The following TBC1D2B variants were observed in gnomAD, a reference collection of about 807,000 sequenced individuals.
TBC1D2B encodes the protein TBC1 domain family member 2B, also known as TBC1 domain family, member 2B.
In TBC1D2B, 64 loss-of-function variants were observed where a neutral mutation model predicts 100.8. That is an observed-to-expected ratio of 0.64 (90% CI 0.52 to 0.78). The LOEUF (loss-of-function observed/expected upper bound fraction) is 0.78, where lower values mean the gene tolerates loss of function less well. TBC1D2B is among the 30% of genes least tolerant of loss of function. The probability of loss-of-function intolerance (pLI) is 0.00; values close to 1 mark genes in which losing one functional copy is unlikely to be tolerated. For missense variants in TBC1D2B, 1,052 were observed against 1,218.4 expected, an observed-to-expected ratio of 0.86 and a Z score of 2.03; for synonymous variants, 480 against 479.7, an observed-to-expected ratio of 1.00 and a Z score of -0.01.
chr15:78,066,489 G>A (rs1462647023), intron 1 of TBC1D2B, among the ~76,000 whole-genome samples: 3 of 152,184 alleles, frequency 2.0e-5, no homozygotes, highest in Non-Finnish European at 4.4e-5. Context: ...AAGAAAGGCA[G>A]ATTCCTGAGG....
chr15:78,073,959 A>G (rs1452583379), intron 1 of TBC1D2B, among the ~76,000 whole-genome samples: 2 of 146,542 alleles, frequency 1.4e-5, no homozygotes, highest in East Asian at 4.1e-4. Flanking sequence ...ACACAGCAAG[A>G]CTCTGTTTCA....
intron 4 of TBC1D2B, among the ~76,000 whole-genome samples, chr15:78,026,387 C>T (rs1399789267): frequency 6.6e-6 from 1 of 152,182 alleles, no homozygotes; most frequent in Admixed American, 6.5e-5. Context: ...GGCTCTCCCT[C>T]ACCCTTGCCC....
chr15:78,054,199 G>A lies in TBC1D2B; in HGVS notation c.361-12C>T, dbSNP rs1469390600. On this transcript the variant is annotated splice_polypyrimidine_tract_variant and intron_variant, in intron 1 of 12. Transcript: ENST00000300584. ...TGACGATTGGGAGCCTAGAAAGAGG[G>A]AGGGGAAAAACATGTTATGGCCACC... 1.2e-5 allele frequency: 20 copies of A among 1,608,102 alleles called. No individual in the cohort carries two copies. In the African/African-American group the frequency reaches 1.3e-4, roughly 11 times the overall value.
intron 1 of TBC1D2B, among the ~76,000 whole-genome samples, chr15:78,070,453 C>A (rs982642205): frequency 7.9e-5 from 12 of 152,216 alleles, no homozygotes; most frequent in Admixed American, 3.3e-4. Context: ...GTCCCCCCCA[C>A]CTACTGAAAG....
chr15:78,053,505 G>T (rs1280959007), intron 2 of TBC1D2B, among the ~76,000 whole-genome samples: 1 of 152,180 alleles, frequency 6.6e-6, no homozygotes, highest in Non-Finnish European at 1.5e-5. Flanking sequence ...CTTTCTAGAG[G>T]TTATCTCCAT....
intron 10 of TBC1D2B, among the ~76,000 whole-genome samples, chr15:78,004,028 G>A (rs28581571): frequency 0.041 from 6,269 of 152,254 alleles, 356 homozygotes; most frequent in African/African-American, 0.12. Context: ...CCACTTACTA[G>A]CTGGGTGGCT....
chr15:78,020,297 T>G (rs2072484224), intron 6 of TBC1D2B, among the ~76,000 whole-genome samples: 1 of 152,218 alleles, frequency 6.6e-6, no homozygotes, highest in South Asian at 2.1e-4. Flanking sequence ...GGATAGAGAC[T>G]GAGTGATACA....
chr15:78,004,310 G>C (rs780647555), intron 10 of TBC1D2B, among the ~76,000 whole-genome samples: 1 of 152,182 alleles, frequency 6.6e-6, no homozygotes, highest in Non-Finnish European at 1.5e-5. Flanking sequence ...CCAGGCCCTG[G>C]TAACGATGTG....
intron 1 of TBC1D2B, among the ~76,000 whole-genome samples, chr15:78,065,586 C>A (rs2073639331): frequency 6.6e-6 from 1 of 152,208 alleles, no homozygotes; most frequent in Non-Finnish European, 1.5e-5. Context: ...CTCAGCTCTG[C>A]CATTGCACAA....
chr15:78,075,935 G>A (rs770510295), intron 1 of TBC1D2B, among the ~76,000 whole-genome samples: 3 of 152,162 alleles, frequency 2.0e-5, no homozygotes, highest in Non-Finnish European at 4.4e-5. Flanking sequence ...TCTGCTCTCC[G>A]TGTGGCCAGC....
intron 1 of TBC1D2B, among the ~76,000 whole-genome samples, chr15:78,065,742 A>G (rs995882920): frequency 6.6e-6 from 1 of 151,998 alleles, no homozygotes; most frequent in Non-Finnish European, 1.5e-5. Context: ...ATGTTTTTCA[A>G]CTAAAACTAG....
At position 77,996,823 on chromosome 15, in the gene TBC1D2B, A is replaced by C. The variant is rs752555131; in HGVS notation, c.*1337T>G. On this transcript the variant is annotated 3_prime_UTR_variant, in exon 13 of 13. Coordinates refer to ENST00000300584, the MANE Select transcript of TBC1D2B (RefSeq NM_144572.2). ...GGGTAATATGAAACATTCCACTGAG[A>C]TCATTTATCTTGTATTTTCATAACA... 4 of 152,372 alleles carry C rather than the reference A, an allele frequency of 2.6e-5. No individual in the cohort carries two copies. Among genetic ancestry groups the C allele is most frequent in the South Asian group, 2.1e-4 (1 of 4,834 alleles). The allele number at this position is 152,372 out of a possible 1,614,324, so 9.4% of individuals were successfully genotyped here. A position where few individuals can be genotyped will look rare whatever the true frequency, so the allele number is the denominator to read the frequency against.
chr15:78,005,056 A>C (rs2072029599), intron 10 of TBC1D2B, among the ~76,000 whole-genome samples: 3 of 152,238 alleles, frequency 2.0e-5, no homozygotes, highest in Admixed American at 2.0e-4. Context: ...ATCCAGCTGC[A>C]GACGTCCAAG....
At chr15:78,069,675 G>A (rs1196956084) in intron 1 of TBC1D2B, among the ~76,000 whole-genome samples, 1 of 152,234 alleles carries the variant, frequency 6.6e-6, no homozygotes, top group Admixed American at 6.5e-5. Context: ...TGAGATCAGG[G>A]TCCTTATGAA....
chr15:78,035,726 C>G (rs950631745), intron 3 of TBC1D2B, among the ~76,000 whole-genome samples: 1 of 151,942 alleles, frequency 6.6e-6, no homozygotes, highest in Non-Finnish European at 1.5e-5. Context: ...GACGTATGTA[C>G]AAGAATATCA....
intron 6 of TBC1D2B, among the ~76,000 whole-genome samples, chr15:78,021,006 A>G (rs1279352525): frequency 4.6e-5 from 7 of 152,248 alleles, no homozygotes; most frequent in Admixed American, 4.6e-4. Flanking sequence ...ACAATCCGAA[A>G]GTCCATACAC....
At chr15:78,062,056 C>A (rs1017975023) in intron 1 of TBC1D2B, among the ~76,000 whole-genome samples, 5 of 152,118 alleles carry the variant, frequency 3.3e-5, no homozygotes, top group African/African-American at 1.2e-4. Flanking sequence ...AAGACCGAGC[C>A]CAAAACTGAA....
At chr15:78,048,964 T>C (rs2073255639) in intron 2 of TBC1D2B, among the ~76,000 whole-genome samples, 1 of 152,224 alleles carries the variant, frequency 6.6e-6, no homozygotes, top group Non-Finnish European at 1.5e-5. Context: ...GAAAGGGTTG[T>C]ACCCATATGC....
chr15:78,054,675 A>T (rs1406106642), intron 1 of TBC1D2B, among the ~76,000 whole-genome samples: 1 of 152,228 alleles, frequency 6.6e-6, no homozygotes, highest in Non-Finnish European at 1.5e-5. Flanking sequence ...ATATTTCAAA[A>T]AGTTGACAAT....
Sources: allele counts gnomAD v4.1 joint callset (sites outside exome capture counted in the v4.1 genomes callset), GRCh38; gene constraint gnomAD v4.1.1; transcripts MANE v1.5; gene names NCBI Gene and HGNC (gene_info 2026-07-23, HGNC 2026-07-21).